The following CHD6 variants were observed in gnomAD, a reference collection of about 807,000 sequenced individuals.
CHD6 encodes the protein chromodomain helicase DNA binding protein 6, also known as ATP-dependent chromatin remodeler CHD6.
Under a neutral mutation model 276.9 loss-of-function variants are expected in CHD6, and 50 were observed. The observed-to-expected ratio is 0.18, with a 90% confidence interval of 0.14 to 0.23. CHD6 has a LOEUF of 0.23. Among genes scored for constraint, CHD6 ranks in the 10% least tolerant of loss-of-function variants. The pLI is 1.00. For synonymous variants in CHD6, 1,173 were observed against 1,229.3 expected (o/e 0.95, Z 0.96); for missense variants, 2,564 against 3,365.8 (o/e 0.76, Z 5.89).
rs202029350 is a variant in CHD6 at position 41,415,451 on chromosome 20, C to T, written c.6674G>A (p.Gly2225Glu). 81 of 1,612,642 alleles carry T rather than the reference C, an allele frequency of 5.0e-5. 1 individual carries two copies. The African/African-American group carries it at 9.9e-4, about 20-fold the overall frequency. The change falls in exon 34 of 37, where the codon GGG becomes GAG. Residue 2225 changes from glycine (G) to glutamate (E), a missense_variant. Physicochemically the swap from Gly to Glu is moderately conservative, Grantham distance 98. Around this residue, in one of 7 missense-constraint regions of CHD6, gnomAD observed 1,024 missense variants for 1,047.9 expected, o/e 0.98. Transcript: ENST00000373233. ...GAAAGGGGATGTGGCTCCTGGGGAC[C>T]CCTCTGATGAGCAGGAGAGGTCCAT... ...SAMDLSCSSE[G>E]SPGATSPFPV...
At chr20:41,479,805 A>G (rs2043254911) in intron 16 of CHD6, among the ~76,000 whole-genome samples, 1 of 152,244 alleles carries the variant, frequency 6.6e-6, no homozygotes, top group East Asian at 1.9e-4. Flanking sequence ...GATGGGAAAG[A>G]TCTATTTAGT....
At chr20:41,538,914 C>G (rs575751695) in intron 2 of CHD6, among the ~76,000 whole-genome samples, 3 of 152,242 alleles carry the variant, frequency 2.0e-5, no homozygotes, top group African/African-American at 7.2e-5. Context: ...AGATATCTGC[C>G]TTTTACAACT....
chr20:41,418,825 T>C (rs2047087731), intron 31 of CHD6, among the ~76,000 whole-genome samples: 1 of 152,154 alleles, frequency 6.6e-6, no homozygotes, highest in Non-Finnish European at 1.5e-5. Context: ...TGAAAGGGAC[T>C]CCCACCCACG....
At chr20:41,595,529 G>T (rs1181613725) in intron 1 of CHD6, among the ~76,000 whole-genome samples, 2 of 152,086 alleles carry the variant, frequency 1.3e-5, no homozygotes, top group East Asian at 3.9e-4. Flanking sequence ...CAGAGAAAGG[G>T]TGCAAGAAAT....
chr20:41,519,650 C>A (rs1211829174), intron 3 of CHD6, among the ~76,000 whole-genome samples: 1 of 152,124 alleles, frequency 6.6e-6, no homozygotes, highest in Non-Finnish European at 1.5e-5. Context: ...GGATCCCTTC[C>A]TTACACCTTA....
In CHD6 at chr20:41,413,483, C is replaced by T. The variant is rs1219864851; in HGVS notation, c.6972G>A (p.Leu2324=). 1 of 1,599,656 alleles carries T rather than the reference C, an allele frequency of 6.3e-7. No homozygotes were observed. The highest frequency in any genetic ancestry group is 2.3e-5 in the East Asian group (1 of 44,346). Residue 2324 remains leucine, a synonymous_variant, in exon 35 of 37, where the codon TTG becomes TTA. Transcript: ENST00000373233. ...EVHEDPGQAT[L]STTHPEGPGP... Reference sequence around the variant, plus strand: ...CTGGCCCCTCAGGGTGTGTGGTGCTCAAGGTGGCCTGCCCTGGGTCTTCAT... The same window carrying T: ...CTGGCCCCTCAGGGTGTGTGGTGCTTAAGGTGGCCTGCCCTGGGTCTTCAT...
intron 1 of CHD6, among the ~76,000 whole-genome samples, chr20:41,599,559 T>TCTCCCCCTCCCTACTCGGATAAGTTCCTA (rs1381349875): frequency 4.6e-5 from 7 of 151,900 alleles, no homozygotes; most frequent in African/African-American, 9.7e-5. Context: ...CCCTCTCGAT[T>TCTCCCCCTCCCTACTCGGATAAGTTCCTA]CTCCCCCTCC....
At chr20:41,547,392 C>T (rs1188805257) in intron 2 of CHD6, 2 of 228,982 alleles carry the variant, frequency 8.7e-6, no homozygotes, top group African/African-American at 2.3e-5. Context: ...CGTCCTGAAT[C>T]GGATTCATCT....
Position 41,404,177 on chromosome 20 carries a change from G to A in CHD6, c.*416C>T. ...TTTGGTTCCCTGTGACATTCTTCCT[G>A]TGCAACCCAGCTCACAGAAAAAGAG... On this transcript the variant is annotated 3_prime_UTR_variant, in exon 37 of 37. Coordinates refer to ENST00000373233, the MANE Select transcript of CHD6 (RefSeq NM_032221.5). The A allele has an allele frequency of 6.6e-6, 7 of 1,064,126 alleles. No individual in the cohort carries two copies. The highest frequency in any genetic ancestry group is 4.6e-5 in the South Asian group (1 of 21,970). 65.9% of individuals were successfully genotyped at this position (1,064,126 alleles called of 1,614,324 possible). A position where few individuals can be genotyped will look rare whatever the true frequency, so the allele number is the denominator to read the frequency against.
At position 41,596,071 on chromosome 20, in the gene CHD6, C is replaced by T. The variant is rs1327866819; in HGVS notation, c.-24+22269G>A. Among the ~76,000 whole-genome samples the T allele has an allele frequency of 3.3e-5, 5 of 152,162 alleles. No homozygotes were observed. In the East Asian group the frequency reaches 9.6e-4, roughly 29 times the overall value. On this transcript the variant is annotated intron_variant, in intron 1 of 36. Coordinates refer to ENST00000373233, the MANE Select transcript of CHD6 (RefSeq NM_032221.5). Reference sequence around the variant, plus strand: ...ACCCACCGCTCTGCCCCAAGCTGAACACTCAGTCCCTCCACCATATAACCC... The same window carrying T: ...ACCCACCGCTCTGCCCCAAGCTGAATACTCAGTCCCTCCACCATATAACCC...
Position 41,404,312 on chromosome 20 carries a change from G to C in CHD6, c.*281C>G, listed in dbSNP as rs1046754963. 3.5e-6 allele frequency: 4 copies of C among 1,136,744 alleles called. No homozygotes were observed. Among genetic ancestry groups the C allele is most frequent in the Non-Finnish European group, 4.3e-6 (4 of 926,794 alleles). 70.4% of individuals were successfully genotyped at this position (1,136,744 alleles called of 1,614,324 possible). A position where few individuals can be genotyped will look rare whatever the true frequency, so the allele number is the denominator to read the frequency against. On this transcript the variant is annotated 3_prime_UTR_variant, in exon 37 of 37. Transcript: ENST00000373233. Reference sequence around the variant, plus strand: ...GGAAACTTGGAAGAGAAGGGGGTAGGGCGTGTCACCAAGTACTGTATTAAC... The same window carrying C: ...GGAAACTTGGAAGAGAAGGGGGTAGCGCGTGTCACCAAGTACTGTATTAAC...
rs747216642 is a variant in CHD6 at position 41,473,285 on chromosome 20, G to A, written c.2664+37C>T. ...CCTATCATGATGTTCTGGGATCCAG[G>A]GCAGCTAAGGTAAACAGCAATCATC... On this transcript the variant is annotated intron_variant, in intron 17 of 36. Coordinates refer to ENST00000373233, the MANE Select transcript of CHD6 (RefSeq NM_032221.5). The surrounding 1 kb of genome is among the most constrained non-coding windows in gnomAD (Gnocchi z 4.1). 3 of 1,595,922 alleles carry A rather than the reference G, an allele frequency of 1.9e-6. No individual in the cohort carries two copies. Among genetic ancestry groups the A allele is most frequent in the Admixed American group, 3.4e-5 (2 of 59,636 alleles).
chr20:41,460,742 C>G (rs2048520397), intron 17 of CHD6, among the ~76,000 whole-genome samples: 1 of 152,238 alleles, frequency 6.6e-6, no homozygotes, highest in Admixed American at 6.5e-5. Flanking sequence ...TGGAGAACCT[C>G]TGCTAGAGCA....
intron 5 of CHD6, among the ~76,000 whole-genome samples, chr20:41,506,926 TA>T (rs1468422189): frequency 6.6e-6 from 1 of 152,128 alleles, no homozygotes; most frequent in East Asian, 1.9e-4. Context: ...ATAATAGAAG[TA>T]AAAAGCAAGT....
chr20:41,540,867 G>A (rs1266268557), intron 2 of CHD6, among the ~76,000 whole-genome samples: 1 of 152,046 alleles, frequency 6.6e-6, no homozygotes, highest in East Asian at 1.9e-4. Context: ...AAATTCAAAG[G>A]AAGTGGTAAC....
chr20:41,403,139 C>T lies in CHD6; in HGVS notation c.*1454G>A. 1 of 381,342 alleles carries T rather than the reference C, an allele frequency of 2.6e-6. No homozygotes were observed. The highest frequency in any genetic ancestry group is 3.9e-6 in the Non-Finnish European group (1 of 256,748). The allele number at this position is 381,342 out of a possible 1,614,324, so 23.6% of individuals were successfully genotyped here. A position where few individuals can be genotyped will look rare whatever the true frequency, so the allele number is the denominator to read the frequency against. On this transcript the variant is annotated 3_prime_UTR_variant, in exon 37 of 37. Transcript: ENST00000373233. ...GAAATAGTTATGTCAGACTTTTGGACCTTCTGATAAATTAGCAAAACTGTA... is the reference window on the plus strand; with the variant it reads ...GAAATAGTTATGTCAGACTTTTGGATCTTCTGATAAATTAGCAAAACTGTA...
At chr20:41,589,900 T>G (rs900721033) in intron 1 of CHD6, among the ~76,000 whole-genome samples, 1 of 152,178 alleles carries the variant, frequency 6.6e-6, no homozygotes, top group Non-Finnish European at 1.5e-5. Context: ...AGAGTCCGCA[T>G]TGCCAAGTCA....
intron 34 of CHD6, 87 bp from the exon 35 acceptor site, chr20:41,413,602 A>G: frequency 8.7e-7 from 1 of 1,145,778 alleles, no homozygotes; most frequent in Non-Finnish European, 1.2e-6. Flanking sequence ...TGTTATTTGA[A>G]TCACTCCACC....
intron 3 of CHD6, 96 bp downstream of exon 3, chr20:41,532,954 C>T (rs1052001635): frequency 7.3e-7 from 1 of 1,368,124 alleles, no homozygotes; most frequent in Non-Finnish European, 9.8e-7. Context: ...CACAGGAGTG[C>T]AGCAGGGTTA....
Sources: gnomAD v4.1 joint callset for allele counts (sites outside exome capture counted in the v4.1 genomes callset) on GRCh38, gnomAD v4.1.1 for gene constraint, gnomAD v4.1.1 regional missense constraint, Gnocchi (gnomAD v3.1) non-coding constraint, MANE v1.5 for transcripts, NCBI Gene and HGNC (gene_info 2026-07-23, HGNC 2026-07-21) for gene names.